The following TG variants were observed in gnomAD, a reference collection of about 807,000 sequenced individuals.
TG encodes the protein thyroglobulin, also known as thyroid hormones.
A neutral mutation model predicts 324.7 loss-of-function variants in TG; 270 were observed. The ratio of observed to expected loss-of-function variants is 0.83; its 90% CI spans 0.75 to 0.92. The LOEUF is 0.92. TG is among the 40% of genes least tolerant of loss of function. The pLI is 0.00. For missense variants in TG, 3,591 were observed against 3,456.4 expected, an observed-to-expected ratio of 1.04 and a Z score of -0.98; for synonymous variants, 1,401 against 1,327.0, an observed-to-expected ratio of 1.06 and a Z score of -1.21.
At position 132,972,628 on chromosome 8, in the gene TG, G is replaced by T. The variant is rs958155731; in HGVS notation, c.6086G>T (p.Ser2029Ile). The part of the protein sequence containing the change: ...GGEVTCLTLN[S>I]LGIQMCSEEN... ...GAGGTGACATGTCTCACTCTGAACA[G>T]CTTGGGAATTCAGATGTGCAGTGAG... Residue 2029 changes from serine (S) to isoleucine (I), a missense_variant, in exon 34 of 48, where the codon AGC becomes ATC. Ser to Ile is a moderately radical substitution (Grantham distance 142, BLOSUM62 -2). Coordinates refer to ENST00000220616, the MANE Select transcript of TG (RefSeq NM_003235.5). 6.3e-7 allele frequency: 1 copy of T among 1,598,498 alleles called. No individual in the cohort carries two copies. The highest frequency in any genetic ancestry group is 8.5e-7 in the Non-Finnish European group (1 of 1,172,990).
At chr8:132,953,350 G>C (rs1270470990) in intron 27 of TG, among the ~76,000 whole-genome samples, 1 of 152,158 alleles carries the variant, frequency 6.6e-6, no homozygotes, top group East Asian at 1.9e-4. Flanking sequence ...ACCTGGCCAA[G>C]TCCAGATGCA....
chr8:132,923,160 G>A (rs753450647), intron 21 of TG, among the ~76,000 whole-genome samples, 178 bp from the exon 22 acceptor site: 7 of 152,078 alleles, frequency 4.6e-5, no homozygotes, highest in Admixed American at 6.6e-5. Flanking sequence ...GGTGGGTGGC[G>A]GCCAAATCAC....
chr8:133,038,975 T>C (rs1837627246), intron 41 of TG, among the ~76,000 whole-genome samples: 2 of 152,188 alleles, frequency 1.3e-5, no homozygotes, highest in South Asian at 2.1e-4. Flanking sequence ...CCTCCCAGGC[T>C]CAAGCGATTC....
At chr8:132,981,921 G>A (rs1830909242) in intron 34 of TG, among the ~76,000 whole-genome samples, 1 of 152,180 alleles carries the variant, frequency 6.6e-6, no homozygotes, top group African/African-American at 2.4e-5. Context: ...AAGTGAAGAA[G>A]GCAGAGAAGG....
chr8:132,876,166 C>T (rs747886171), intron 5 of TG, among the ~76,000 whole-genome samples: 6 of 151,980 alleles, frequency 3.9e-5, no homozygotes, highest in South Asian at 2.1e-4. Flanking sequence ...GGCAGCCCTC[C>T]GAGTTTGGAG....
At chr8:132,990,291 A>C (rs1032310677) in intron 35 of TG, among the ~76,000 whole-genome samples, 1 of 151,652 alleles carries the variant, frequency 6.6e-6, no homozygotes, top group Non-Finnish European at 1.5e-5. Context: ...TTTTGCTCTT[A>C]TTTTTAGTTG....
intron 34 of TG, among the ~76,000 whole-genome samples, chr8:132,977,713 A>G (rs903811839): frequency 2.0e-5 from 3 of 152,164 alleles, no homozygotes; most frequent in African/African-American, 7.2e-5. Flanking sequence ...ATAGCACGGG[A>G]AAGACCCACT....
intron 10 of TG, among the ~76,000 whole-genome samples, chr8:132,892,509 C>T (rs1242832758): frequency 6.6e-6 from 1 of 152,206 alleles, no homozygotes; most frequent in African/African-American, 2.4e-5. Flanking sequence ...TGAGCTATTA[C>T]TCATCTTATG....
chr8:133,025,065 T>C (rs2130959858), intron 40 of TG, among the ~76,000 whole-genome samples: 1 of 152,276 alleles, frequency 6.6e-6, no homozygotes, highest in East Asian at 1.9e-4. Context: ...TTCCCAGACT[T>C]CCCAGTCTCT....
In TG at chr8:133,069,447, C is replaced by T. The variant is rs145570852; in HGVS notation, c.7240-25597C>T. Among the ~76,000 whole-genome samples, 233 of 152,310 alleles carry T rather than the reference C, an allele frequency of 1.5e-3. 1 individual carries two copies. Among genetic ancestry groups the T allele is most frequent in the African/African-American group, 5.4e-3 (224 of 41,572 alleles). On this transcript the variant is annotated intron_variant, in intron 41 of 47. Transcript: ENST00000220616. ...GGCATTTGGTCTAATGGGGCTTGGT[C>T]TCTCTAAAGAGATCTCCATGATGTT...
chr8:133,113,471 A>C lies in TG; in HGVS notation c.7622A>C (p.Gln2541Pro), dbSNP rs756028059. The change falls in exon 44 of 48, where the codon CAG becomes CCG. Residue 2541 changes from glutamine to proline, a missense_variant. Coordinates refer to ENST00000220616, the MANE Select transcript of TG (RefSeq NM_003235.5). ...GRTSSKTAFYQALQNSLGGED... is the reference protein window; with the variant it reads ...GRTSSKTAFYPALQNSLGGED... The stretch of plus-strand genomic sequence containing the variant: ...ACCAGTAGCAAAACAGCCTTTTACC[A>C]GGCACTGCAGAATTCTCTGGGTGGC... 6.2e-7 allele frequency: 1 copy of C among 1,613,860 alleles called. No homozygotes were observed. Among genetic ancestry groups the C allele is most frequent in the South Asian group, 1.1e-5 (1 of 91,070 alleles).
chr8:132,883,321 C>G, intron 8 of TG: 1 of 336,086 alleles, frequency 3.0e-6, no homozygotes, highest in Non-Finnish European at 5.6e-6. Flanking sequence ...GTGAGGTGGG[C>G]ATTCGATCTT....
chr8:133,116,393 G>A (rs1399634856), intron 44 of TG, among the ~76,000 whole-genome samples: 1 of 152,226 alleles, frequency 6.6e-6, no homozygotes, highest in Non-Finnish European at 1.5e-5. Context: ...CCTACCAGAG[G>A]GAACTGTGTA....
At chr8:132,957,838 C>A (rs951125724) in intron 27 of TG, among the ~76,000 whole-genome samples, 1 of 151,598 alleles carries the variant, frequency 6.6e-6, no homozygotes, top group African/African-American at 2.4e-5. Flanking sequence ...TGTTTGGTTA[C>A]ATGAGTAAGT....
chr8:132,893,979 G>A (rs1248749642), intron 11 of TG, 50 bp downstream of exon 11: 1 of 1,613,640 alleles, frequency 6.2e-7, no homozygotes, highest in East Asian at 2.2e-5. Flanking sequence ...TGGAAAAGCA[G>A]GAGCTTAAAT....
chr8:133,088,389 G>A (rs1846956869), intron 41 of TG, among the ~76,000 whole-genome samples: 1 of 152,146 alleles, frequency 6.6e-6, no homozygotes, highest in Non-Finnish European at 1.5e-5. Context: ...CTGTTTTCTC[G>A]GGTAGGTAGC....
At chr8:133,055,984 G>A (rs1269334272) in intron 41 of TG, among the ~76,000 whole-genome samples, 5 of 152,008 alleles carry the variant, frequency 3.3e-5, no homozygotes, top group Non-Finnish European at 5.9e-5. Flanking sequence ...CTTATTTTGA[G>A]TATGAGGAAA....
intron 29 of TG, among the ~76,000 whole-genome samples, chr8:132,964,339 A>G (rs1464146694): frequency 1.3e-5 from 2 of 152,052 alleles, no homozygotes; most frequent in Non-Finnish European, 1.5e-5. Context: ...GTGAATAGAC[A>G]AGGCTCAGCT....
chr8:133,029,961 A>G lies in TG; in HGVS notation c.7177A>G (p.Ser2393Gly). Residue 2393 changes from serine (S) to glycine (G), a missense_variant, in exon 41 of 48, where the codon AGC (serine) becomes GGC (glycine). Ser to Gly is a moderately conservative substitution (Grantham distance 56). Coordinates refer to ENST00000220616, the MANE Select transcript of TG (RefSeq NM_003235.5). ...AADRGGADVA[S>G]IHLLTARATN... ...AGACCGTGGCGGGGCTGATGTGGCC[A>G]GCATCCACCTTCTCACGGCCAGGGC... 1 of 1,614,134 alleles carries G rather than the reference A, an allele frequency of 6.2e-7. No homozygotes were observed. The highest frequency in any genetic ancestry group is 8.5e-7 in the Non-Finnish European group (1 of 1,180,038).
Sources: gnomAD v4.1 joint callset for allele counts (sites outside exome capture counted in the v4.1 genomes callset) on GRCh38, gnomAD v4.1.1 for gene constraint, MANE v1.5 for transcripts, NCBI Gene and HGNC (gene_info 2026-07-23, HGNC 2026-07-21) for gene names.